BMP2K: variants seen among roughly 807,000 people sequenced by gnomAD.
The protein encoded by BMP2K is BMP-2-inducible protein kinase.
BMP2K carries 74 observed loss-of-function variants against 116.0 expected under a neutral mutation model. The observed-to-expected ratio is 0.64, with a 90% CI of 0.53 to 0.77. The LOEUF is 0.77. Among genes scored for constraint, BMP2K ranks in the 30% least tolerant of loss-of-function variants. BMP2K has a pLI of 0.00. For synonymous variants in BMP2K, 486 were observed against 502.5 expected (o/e 0.97, Z 0.44); for missense variants, 1,365 against 1,403.6 (o/e 0.97, Z 0.44).
At position 78,913,584 on chromosome 4, in the gene BMP2K, A is replaced by C. The variant is rs768056548; in HGVS notation, c.*1551A>C. 1.3e-5 allele frequency: 2 copies of C among 152,190 alleles called. No individual in the cohort carries two copies. The highest frequency in any genetic ancestry group is 2.9e-5 in the Non-Finnish European group (2 of 68,014). The allele number at this position is 152,190 out of a possible 1,614,324, so 9.4% of individuals were successfully genotyped here. A position where few individuals can be genotyped will look rare whatever the true frequency, so the allele number is the denominator to read the frequency against. On this transcript the variant is annotated 3_prime_UTR_variant, in exon 16 of 16. Transcript: ENST00000502613. ...CTCTTTGATTTTTATATTTTAAATT[A>C]ACTCTCTTCGATCTCAAAGTATATT...
At position 78,887,251 on chromosome 4, in the gene BMP2K, C is replaced by G. The variant is rs947416693; in HGVS notation, c.2029C>G (p.Pro677Ala). 4.3e-6 allele frequency: 7 copies of G among 1,610,486 alleles called. No homozygotes were observed. The Admixed American group carries it at 1.2e-4, about 27-fold the overall frequency. ...SAPHNHPPED[P>A]FGSVPFISHS... Reference sequence around the variant, plus strand: ...TCCACATAACCATCCTCCAGAAGATCCTTTTGGTTCTGTTCCTTTCATTTC... The same window carrying G: ...TCCACATAACCATCCTCCAGAAGATGCTTTTGGTTCTGTTCCTTTCATTTC... The change falls in exon 15 of 16, where the codon CCT becomes GCT. Residue 677 changes from proline (P) to alanine (A), a missense_variant. Pro to Ala is a conservative substitution (Grantham distance 27, BLOSUM62 -1). Around this residue, in one of 3 missense-constraint regions of BMP2K, gnomAD observed 596 missense variants for 623.2 expected, o/e 0.96. Coordinates refer to ENST00000502613, the MANE Select transcript of BMP2K (RefSeq NM_198892.2).
intron 5 of BMP2K, 93 bp from the exon 6 acceptor site, chr4:78,847,091 CTTTT>C (rs893997744): frequency 4.4e-5 from 28 of 639,840 alleles, no homozygotes; most frequent in Non-Finnish European, 5.8e-5. Flanking sequence ...ACCTAAAAGA[CTTTT>C]TTTGTAGTGT....
Position 78,871,855 on chromosome 4 carries a change from A to G in BMP2K, c.1515A>G (p.Gln505=), listed in dbSNP as rs1005984636. 38 of 1,609,670 alleles carry G rather than the reference A, an allele frequency of 2.4e-5. No homozygotes were observed. The highest frequency in any genetic ancestry group is 3.1e-5 in the Non-Finnish European group (37 of 1,177,756). ...LLQDAYMQQY[Q]HATQQQQMLQ... Reference sequence around the variant, plus strand: ...ATTTGATTTTCTCGTTGTAGTATCAACATGCAACACAGCAGCAACAGATGC... The same window carrying G: ...ATTTGATTTTCTCGTTGTAGTATCAGCATGCAACACAGCAGCAACAGATGC... Residue 505 remains glutamine (Q), a synonymous_variant, in exon 12 of 16, where the codon CAA becomes CAG. Coordinates refer to ENST00000502613, the MANE Select transcript of BMP2K (RefSeq NM_198892.2).
chr4:78,826,819 A>G (rs1729896039), intron 2 of BMP2K, among the ~76,000 whole-genome samples: 1 of 151,560 alleles, frequency 6.6e-6, no homozygotes, highest in Admixed American at 6.6e-5. Context: ...TATTTTCAGG[A>G]TAGAAATATT....
chr4:78,851,104 A>T lies in BMP2K; in HGVS notation c.883+48A>T. The T allele has an allele frequency of 2.0e-6, 3 of 1,468,984 alleles. No homozygotes were observed. The South Asian group carries it at 4.3e-5, about 21-fold the overall frequency. 91.0% of individuals were successfully genotyped at this position (1,468,984 alleles called of 1,614,324 possible). A position where few individuals can be genotyped will look rare whatever the true frequency, so the allele number is the denominator to read the frequency against. On this transcript the variant is annotated intron_variant, in intron 7 of 15. Coordinates refer to ENST00000502613, the MANE Select transcript of BMP2K (RefSeq NM_198892.2). ...GAAAATATTGTAGGATACTGTACTTAGGGCCTACTATTTACATTCCTTTAC... is the reference window on the plus strand; with the variant it reads ...GAAAATATTGTAGGATACTGTACTTTGGGCCTACTATTTACATTCCTTTAC...
chr4:78,884,008 G>T (rs1055873198), intron 14 of BMP2K, among the ~76,000 whole-genome samples: 3 of 152,154 alleles, frequency 2.0e-5, no homozygotes, highest in Non-Finnish European at 2.9e-5. Flanking sequence ...TCATGCCACT[G>T]TATTACAGCC....
At chr4:78,870,455 A>T (rs913559309) in intron 10 of BMP2K, among the ~76,000 whole-genome samples, 8 of 152,234 alleles carry the variant, frequency 5.3e-5, no homozygotes, top group African/African-American at 1.9e-4. Flanking sequence ...TTATATTGGT[A>T]CTAATACATA....
At chr4:78,804,829 T>G (rs1728741203) in intron 1 of BMP2K, among the ~76,000 whole-genome samples, 1 of 152,076 alleles carries the variant, frequency 6.6e-6, no homozygotes, top group Non-Finnish European at 1.5e-5. Flanking sequence ...TACTAGATTT[T>G]TATTAGATAT....
At chr4:78,787,665 G>C (rs554144799) in intron 1 of BMP2K, among the ~76,000 whole-genome samples, 7 of 152,130 alleles carry the variant, frequency 4.6e-5, no homozygotes, top group African/African-American at 9.7e-5. Context: ...TCTCCTTAAG[G>C]CTCCTGGGGA....
intron 7 of BMP2K, 53 bp downstream of exon 7, chr4:78,851,109 C>T: frequency 7.0e-7 from 1 of 1,431,806 alleles, no homozygotes; most frequent in Non-Finnish European, 9.3e-7. Context: ...TACTTAGGGC[C>T]TACTATTTAC....
In BMP2K at chr4:78,878,714, T is replaced by G. The variant is rs1732753284; in HGVS notation, c.1794-20T>G. On this transcript the variant is annotated intron_variant, in intron 13 of 15. Coordinates refer to ENST00000502613, the MANE Select transcript of BMP2K (RefSeq NM_198892.2). Reference sequence around the variant, plus strand: ...ATTTTTCTTTCCATCTTCTTTTTTCTTACTCAATTATTACTATAGGTCAGT... The same window carrying G: ...ATTTTTCTTTCCATCTTCTTTTTTCGTACTCAATTATTACTATAGGTCAGT... 2 of 1,550,784 alleles carry G rather than the reference T, an allele frequency of 1.3e-6. No homozygotes were observed. Among genetic ancestry groups the G allele is most frequent in the African/African-American group, 1.4e-5 (1 of 71,500 alleles).
At chr4:78,817,292 A>G (rs1352358488) in intron 1 of BMP2K, among the ~76,000 whole-genome samples, 2 of 152,226 alleles carry the variant, frequency 1.3e-5, no homozygotes, top group African/African-American at 4.8e-5. Flanking sequence ...GTTAAGGGAC[A>G]TAGTCCAACA....
chr4:78,888,074 AAAG>A (rs1733200233), intron 15 of BMP2K: 1 of 152,240 alleles, frequency 6.6e-6, no homozygotes, highest in South Asian at 2.1e-4. Context: ...TGTAAAGCCA[AAAG>A]AAGAATTGAG....
chr4:78,860,131 C>A, intron 8 of BMP2K: 1 of 489,888 alleles, frequency 2.0e-6, no homozygotes, highest in Non-Finnish European at 4.0e-6. Context: ...TAAGTGGGAA[C>A]TAAACAATGT....
At chr4:78,788,895 G>GTTTTTTTTTT (rs369759418) in intron 1 of BMP2K, among the ~76,000 whole-genome samples, 1 of 107,354 alleles carries the variant, frequency 9.3e-6, no homozygotes, top group Non-Finnish European at 2.0e-5. Context: ...AATAGTGGCT[G>GTTTTTTTTTT]TTTTTTTTTT....
chr4:78,873,386 G>A (rs569538978), intron 13 of BMP2K, among the ~76,000 whole-genome samples: 1 of 152,252 alleles, frequency 6.6e-6, no homozygotes, highest in Admixed American at 6.5e-5. Flanking sequence ...AAAATGGCAC[G>A]TGCTTTAGCA....
At chr4:78,894,584 G>A (rs546960808) in intron 15 of BMP2K, among the ~76,000 whole-genome samples, 12 of 152,316 alleles carry the variant, frequency 7.9e-5, no homozygotes, top group South Asian at 2.1e-4. Flanking sequence ...TTACGGGAAC[G>A]CAGTGGTTGG....
intron 15 of BMP2K, among the ~76,000 whole-genome samples, chr4:78,901,718 G>A (rs1300154886): frequency 3.9e-5 from 6 of 152,146 alleles, no homozygotes; most frequent in Non-Finnish European, 7.3e-5. Context: ...ATTATATAAT[G>A]TAGTGTGGAC....
At chr4:78,828,473 C>T (rs942691851) in intron 2 of BMP2K, among the ~76,000 whole-genome samples, 3 of 152,110 alleles carry the variant, frequency 2.0e-5, no homozygotes, top group East Asian at 1.9e-4. Context: ...GCATTCCTTC[C>T]CCCAGGGTAT....
Sources: gnomAD v4.1 joint callset for allele counts (sites outside exome capture counted in the v4.1 genomes callset) on GRCh38, gnomAD v4.1.1 for gene constraint, gnomAD v4.1.1 regional missense constraint, MANE v1.5 for transcripts, NCBI Gene and HGNC (gene_info 2026-07-23, HGNC 2026-07-21) for gene names.